The following PLOD2 variants were observed in gnomAD, a reference collection of about 807,000 sequenced individuals.
The protein encoded by PLOD2 is procollagen-lysine,2-oxoglutarate 5-dioxygenase 2.
In PLOD2, 65 loss-of-function variants were observed where a neutral mutation model predicts 101.0. The observed-to-expected ratio is 0.64, with a 90% confidence interval of 0.53 to 0.79. PLOD2 has a LOEUF of 0.79. Ranked by LOEUF, PLOD2 falls within the 30% of genes least tolerant of loss-of-function variation. PLOD2 has a pLI of 0.00. For synonymous variants in PLOD2, 314 were observed against 302.9 expected, an observed-to-expected ratio of 1.04 and a Z score of -0.38; for missense variants, 909 against 914.6, an observed-to-expected ratio of 0.99 and a Z score of 0.08.
At chr3:146,105,972 A>C (rs9865802) in intron 5 of PLOD2, among the ~76,000 whole-genome samples, 76,446 of 152,100 alleles carry the variant, frequency 0.5, 19,291 homozygotes, top group East Asian at 0.56. Context: ...GATGGAGTGA[A>C]TACAAGAATA....
At chr3:146,093,814 A>G (rs1429253183) in intron 7 of PLOD2, among the ~76,000 whole-genome samples, 1 of 152,194 alleles carries the variant, frequency 6.6e-6, no homozygotes, top group Non-Finnish European at 1.5e-5. Context: ...TAAAATGATC[A>G]CTAGTTTTAA....
At chr3:146,072,834 T>C (rs1355664364) in intron 16 of PLOD2, among the ~76,000 whole-genome samples, 169 bp from the exon 17 acceptor site, 1 of 151,592 alleles carries the variant, frequency 6.6e-6, no homozygotes, top group African/African-American at 2.4e-5. Context: ...TAAATAATGG[T>C]GCACCTCAGA....
At chr3:146,137,308 C>T (rs1292312727) in intron 1 of PLOD2, among the ~76,000 whole-genome samples, 4 of 152,266 alleles carry the variant, frequency 2.6e-5, no homozygotes, top group South Asian at 2.1e-4. Context: ...TCTCCTAAGA[C>T]GTAATGACCT....
intron 3 of PLOD2, among the ~76,000 whole-genome samples, chr3:146,115,060 G>A (rs895790956): frequency 2.3e-4 from 35 of 152,216 alleles, no homozygotes; most frequent in Non-Finnish European, 4.0e-4. Context: ...GGGGCAGCAC[G>A]GAACCTGCCA....
chr3:146,138,981 A>G (rs1373786945), intron 1 of PLOD2, among the ~76,000 whole-genome samples: 2 of 152,172 alleles, frequency 1.3e-5, no homozygotes, highest in African/African-American at 4.8e-5. Flanking sequence ...ACTGCTATGC[A>G]ATACTGCATC....
At position 146,089,109 on chromosome 3, in the gene PLOD2, T is replaced by C. The variant is rs376806441; in HGVS notation, c.880-398A>G. On this transcript the variant is annotated intron_variant, in intron 8 of 19. Coordinates refer to ENST00000282903, the MANE Select transcript of PLOD2 (RefSeq NM_182943.3). The stretch of plus-strand genomic sequence containing the variant: ...TACTAATTGTGTTTCTCTTTTTGTT[T>C]CCTCGGCTTAAAGTTCAGGGCTTAA... Among the ~76,000 whole-genome samples the C allele has an allele frequency of 5.9e-5, 9 of 151,716 alleles. No homozygotes were observed. The East Asian group carries it at 1.5e-3, about 26-fold the overall frequency.
rs780635508 is a variant in PLOD2 at position 146,104,335 on chromosome 3, A to G, written c.623T>C (p.Ile208Thr). Residue 208 changes from isoleucine to threonine, a missense_variant, in exon 6 of 20, where the codon ATT (isoleucine) becomes ACT (threonine). Coordinates refer to ENST00000282903, the MANE Select transcript of PLOD2 (RefSeq NM_182943.3). The part of the protein sequence containing the change: ...VYIDPLKREA[I>T]NITLDHKCKI... ...GCATTTGTGATCCAATGTGATGTTA[A>G]TAGCTTCCTAAAACATAAGAATAGA... 1 of 1,516,554 alleles carries G rather than the reference A, an allele frequency of 6.6e-7. No homozygotes were observed. The highest frequency in any genetic ancestry group is 9.2e-7 in the Non-Finnish European group (1 of 1,091,134). The allele number at this position is 1,516,554 out of a possible 1,614,324, so 93.9% of individuals were successfully genotyped here.
At chr3:146,119,762 G>A (rs1241752912) in intron 3 of PLOD2, among the ~76,000 whole-genome samples, 2 of 152,106 alleles carry the variant, frequency 1.3e-5, no homozygotes, top group Non-Finnish European at 2.9e-5. Flanking sequence ...TCCCTACAAA[G>A]GACATGAACT....
At chr3:146,126,375 T>C (rs2030557948) in intron 1 of PLOD2, among the ~76,000 whole-genome samples, 1 of 152,176 alleles carries the variant, frequency 6.6e-6, no homozygotes, top group African/African-American at 2.4e-5. Flanking sequence ...TGTTGACATG[T>C]ATCACCCACA....
At chr3:146,128,356 T>C (rs2030705836) in intron 1 of PLOD2, among the ~76,000 whole-genome samples, 1 of 152,096 alleles carries the variant, frequency 6.6e-6, no homozygotes, top group African/African-American at 2.4e-5. Flanking sequence ...AGCTCATCAG[T>C]AGCCAAATGT....
At chr3:146,139,034 T>C (rs1401499428) in intron 1 of PLOD2, among the ~76,000 whole-genome samples, 1 of 152,128 alleles carries the variant, frequency 6.6e-6, no homozygotes, top group East Asian at 1.9e-4. Flanking sequence ...CTGGTTGCTA[T>C]CACAGGAGAG....
At chr3:146,125,842 CA>C (rs2030531608) in intron 1 of PLOD2, among the ~76,000 whole-genome samples, 1 of 152,044 alleles carries the variant, frequency 6.6e-6, no homozygotes, top group Non-Finnish European at 1.5e-5. Flanking sequence ...TAACATTATT[CA>C]GAGTAAATTT....
At chr3:146,151,517 G>A (rs1410186710) in intron 1 of PLOD2, among the ~76,000 whole-genome samples, 3 of 151,860 alleles carry the variant, frequency 2.0e-5, no homozygotes, top group African/African-American at 7.3e-5. Context: ...AAAGTCAAGA[G>A]ACATCAAATC....
At chr3:146,094,698 T>G (rs975894199) in intron 7 of PLOD2, among the ~76,000 whole-genome samples, 1 of 152,206 alleles carries the variant, frequency 6.6e-6, no homozygotes, top group Non-Finnish European at 1.5e-5. Flanking sequence ...ATTGACTTTA[T>G]TCACAAAACT....
chr3:146,071,488 A>T lies in PLOD2; in HGVS notation c.1849-65T>A. 5 of 1,467,670 alleles carry T rather than the reference A, an allele frequency of 3.4e-6. No individual in the cohort carries two copies. The Admixed American group carries it at 8.4e-5, about 25-fold the overall frequency. 90.9% of individuals were successfully genotyped at this position (1,467,670 alleles called of 1,614,324 possible). The stretch of plus-strand genomic sequence containing the variant: ...GTGCAATTCCCATTTATATTATAGT[A>T]TTTTTTTTCAACCACAGATCATAAT... On this transcript the variant is annotated intron_variant, in intron 17 of 19. Coordinates refer to ENST00000282903, the MANE Select transcript of PLOD2 (RefSeq NM_182943.3).
At chr3:146,157,964 G>A (rs1462809193) in intron 1 of PLOD2, among the ~76,000 whole-genome samples, 1 of 152,158 alleles carries the variant, frequency 6.6e-6, no homozygotes, top group East Asian at 1.9e-4. Flanking sequence ...GTTTATAAAT[G>A]AATGAATGTG....
intron 8 of PLOD2, among the ~76,000 whole-genome samples, chr3:146,091,300 T>C (rs1260718587): frequency 6.6e-6 from 1 of 151,882 alleles, no homozygotes. Context: ...GCACCTCAGT[T>C]TTCTCGTCTG....
intron 7 of PLOD2, among the ~76,000 whole-genome samples, chr3:146,094,843 A>C (rs1446073380): frequency 6.6e-6 from 1 of 152,202 alleles, no homozygotes; most frequent in African/African-American, 2.4e-5. Context: ...AGAGTAACCA[A>C]AACAGCAAGG....
At chr3:146,142,818 A>T (rs2031585809) in intron 1 of PLOD2, among the ~76,000 whole-genome samples, 1 of 152,138 alleles carries the variant, frequency 6.6e-6, no homozygotes, top group South Asian at 2.1e-4. Flanking sequence ...CATTGTCAGC[A>T]CATTCCAATC....
Sources: gnomAD v4.1 joint callset for allele counts (sites outside exome capture counted in the v4.1 genomes callset) on GRCh38, gnomAD v4.1.1 for gene constraint, MANE v1.5 for transcripts, NCBI Gene and HGNC (gene_info 2026-07-23, HGNC 2026-07-21) for gene names.